Variants in FBN1 observed in about 807,000 individuals in gnomAD.
FBN1 encodes fibrillin-1.
In FBN1, 29 loss-of-function variants were observed where a neutral mutation model predicts 365.1. That is an observed-to-expected ratio of 0.08 (90% CI 0.06 to 0.11). FBN1 has a LOEUF of 0.11. Among genes scored for constraint, FBN1 ranks in the 10% least tolerant of loss-of-function variants. The pLI, the probability that FBN1 is intolerant of heterozygous loss-of-function variation, is 1.00. For missense variants in FBN1, 2,476 were observed against 3,703.2 expected, an observed-to-expected ratio of 0.67 and a Z score of 8.60; for synonymous variants, 1,210 against 1,270.5, an observed-to-expected ratio of 0.95 and a Z score of 1.01.
chr15:48,438,601 A>G (rs2043090516), intron 50 of FBN1, among the ~76,000 whole-genome samples: 1 of 147,776 alleles, frequency 6.8e-6, no homozygotes, highest in Non-Finnish European at 1.5e-5. Flanking sequence ...AATTTTTAAA[A>G]GAAGCTTGTT....
At chr15:48,472,484 A>T in intron 35 of FBN1, 67 bp downstream of exon 35, 3 of 1,467,082 alleles carry the variant, frequency 2.0e-6, no homozygotes, top group Non-Finnish European at 1.9e-6. Context: ...AAAAAGCATC[A>T]GGAATGTTTA....
intron 11 of FBN1, 43 bp from the exon 12 acceptor site, chr15:48,515,570 T>C (rs760094232): frequency 6.2e-7 from 1 of 1,610,100 alleles, no homozygotes; most frequent in Admixed American, 1.7e-5. Flanking sequence ...TTAACTATGG[T>C]ATCTTTCATC....
At chr15:48,520,967 T>C (rs145763839) in intron 9 of FBN1, 150 bp from the exon 10 acceptor site, 635 of 1,057,310 alleles carry the variant, frequency 6.0e-4, no homozygotes, top group Non-Finnish European at 8.1e-4. Context: ...CTGCGAGCGC[T>C]GCACAGGAAC....
Position 48,430,705 on chromosome 15 carries a change from C to A in FBN1, c.6837G>T (p.Gly2279=). The A allele has an allele frequency of 5.6e-6, 9 of 1,613,910 alleles. No homozygotes were observed. The highest frequency in any genetic ancestry group is 7.6e-6 in the Non-Finnish European group (9 of 1,179,846). The change falls in exon 56 of 66, where the codon GGG becomes GGT. Residue 2279 remains glycine, a synonymous_variant. Coordinates refer to ENST00000316623, the MANE Select transcript of FBN1 (RefSeq NM_000138.5). ...IGTYMCICGP[G]YQRRPDGEGC... ...CTTCTCCATCAGGTCTCCGCTGATA[C>A]CCGGGTCCACAGATGCACATATATG... is the stretch of plus-strand genomic sequence containing the variant.
At chr15:48,531,493 C>T (rs2043972760) in intron 8 of FBN1, among the ~76,000 whole-genome samples, 1 of 152,116 alleles carries the variant, frequency 6.6e-6, no homozygotes, top group Non-Finnish European at 1.5e-5. Context: ...AGGAAGCTAC[C>T]TTTAAAAAGC....
At chr15:48,476,065 C>T (rs921506593) in intron 32 of FBN1, among the ~76,000 whole-genome samples, 6 of 152,158 alleles carry the variant, frequency 3.9e-5, no homozygotes, top group African/African-American at 7.2e-5. Context: ...GGAGCTTTAA[C>T]CAGCTAAATA....
chr15:48,516,062 C>A, intron 11 of FBN1, 121 bp downstream of exon 11: 2 of 1,040,320 alleles, frequency 1.9e-6, no homozygotes, highest in South Asian at 1.5e-5. Context: ...ATTATGTAAA[C>A]CAAAAATTAA....
intron 8 of FBN1, among the ~76,000 whole-genome samples, chr15:48,532,070 T>C (rs2043977863): frequency 6.6e-6 from 1 of 152,226 alleles, no homozygotes; most frequent in Admixed American, 6.5e-5. Flanking sequence ...ATAGGTTTCT[T>C]AGCATCAATA....
chr15:48,476,919 C>T (rs1004588258), intron 32 of FBN1, among the ~76,000 whole-genome samples: 12 of 151,834 alleles, frequency 7.9e-5, no homozygotes, highest in Admixed American at 5.3e-4. Flanking sequence ...TGAACCACTG[C>T]GCCCAGCTGA....
In FBN1 at chr15:48,467,926, A is replaced by G. The variant is rs774046673; in HGVS notation, c.4747+12T>C. 2 of 1,608,600 alleles carry G rather than the reference A, an allele frequency of 1.2e-6. No homozygotes were observed. Among genetic ancestry groups the G allele is most frequent in the Admixed American group, 3.3e-5 (2 of 60,006 alleles). ...AGTTGAAATAATAATAAATAGGAGG[A>G]TGTCCACTTACATGTGTTCACAGCA... On this transcript the variant is annotated intron_variant, in intron 38 of 65. Transcript: ENST00000316623.
At chr15:48,414,635 G>A (rs752422801) in intron 64 of FBN1, among the ~76,000 whole-genome samples, 3 of 151,908 alleles carry the variant, frequency 2.0e-5, no homozygotes, top group Admixed American at 1.3e-4. Context: ...AGTGGCTCTC[G>A]CCTGTAATCT....
At chr15:48,589,825 C>G (rs1392132366) in intron 6 of FBN1, among the ~76,000 whole-genome samples, 3 of 151,796 alleles carry the variant, frequency 2.0e-5, no homozygotes, top group African/African-American at 7.3e-5. Flanking sequence ...CACAGTAGAG[C>G]CAGGATGGTC....
At position 48,495,953 on chromosome 15, in the gene FBN1, A is replaced by G. The variant is rs1333290377; in HGVS notation, c.2419+147T>C. The G allele has an allele frequency of 8.4e-6, 8 of 955,812 alleles. No homozygotes were observed. The East Asian group carries it at 1.8e-4, about 21-fold the overall frequency. The allele number at this position is 955,812 out of a possible 1,614,324, so 59.2% of individuals were successfully genotyped here. A position where few individuals can be genotyped will look rare whatever the true frequency, so the allele number is the denominator to read the frequency against. ...ATACCATAAGTGGCTTACAAAGTAC[A>G]TACTAGTGCCATGTAGAACCACAGA... On this transcript the variant is annotated intron_variant, in intron 20 of 65. Coordinates refer to ENST00000316623, the MANE Select transcript of FBN1 (RefSeq NM_000138.5).
intron 6 of FBN1, among the ~76,000 whole-genome samples, chr15:48,590,139 A>T (rs1034451012): frequency 1.3e-5 from 2 of 152,182 alleles, no homozygotes; most frequent in African/African-American, 4.8e-5. Context: ...ATTATGTAAA[A>T]TTCGTGTCAG....
Position 48,476,774 on chromosome 15 carries a change from C to CT in FBN1, c.3965-2125dup, listed in dbSNP as rs34020705. 443 of 64,584 alleles carry CT rather than the reference C, an allele frequency of 6.9e-3. 59 individuals are homozygous for CT. Among genetic ancestry groups the CT allele is most frequent in the Middle Eastern group, 0.037 (3 of 82 alleles). 4.0% of individuals were successfully genotyped at this position (64,584 alleles called of 1,614,324 possible). On this transcript the variant is annotated intron_variant, in intron 32 of 65. Transcript: ENST00000316623. ...TACAGGTGCCTGCCACCACGCCTGG[C>CT]TTTTTTTTTTTTTTTTTTTTTTTTT...
chr15:48,630,625 T>C (rs1287336234), intron 2 of FBN1, among the ~76,000 whole-genome samples: 1 of 151,928 alleles, frequency 6.6e-6, no homozygotes, highest in Non-Finnish European at 1.5e-5. Flanking sequence ...TTGAGGTTTA[T>C]TTTTTTCCCA....
chr15:48,572,623 A>G (rs2044315048), intron 6 of FBN1, among the ~76,000 whole-genome samples: 1 of 152,128 alleles, frequency 6.6e-6, no homozygotes, highest in Non-Finnish European at 1.5e-5. Context: ...AAAATCTTGG[A>G]GAGAAAGTGT....
rs1242171758 is a variant in FBN1, at chr15:48,443,447, C to A, written c.6037+1094G>T. On this transcript the variant is annotated intron_variant, in intron 49 of 65. Coordinates refer to ENST00000316623, the MANE Select transcript of FBN1 (RefSeq NM_000138.5). ...TTTTTCTTTCTATATATATTCTGTT[C>A]AATTTAGCGAACTTATGTATTGATA... Among the ~76,000 whole-genome samples, 7 of 152,112 alleles carry A rather than the reference C, an allele frequency of 4.6e-5. No homozygotes were observed. The South Asian group carries it at 1.0e-3, about 23-fold the overall frequency.
At chr15:48,506,657 C>G (rs2043710288) in intron 15 of FBN1, among the ~76,000 whole-genome samples, 1 of 152,182 alleles carries the variant, frequency 6.6e-6, no homozygotes, top group South Asian at 2.1e-4. Flanking sequence ...TGTTGTTGAT[C>G]AGATGAGTTA....
Sources: allele counts gnomAD v4.1 joint callset (sites outside exome capture counted in the v4.1 genomes callset), GRCh38; gene constraint gnomAD v4.1.1; transcripts MANE v1.5; gene names NCBI Gene and HGNC (gene_info 2026-07-23, HGNC 2026-07-21).